LRRC72: variants seen among roughly 807,000 people sequenced by gnomAD.
The protein encoded by LRRC72 is leucine-rich repeat-containing protein 72.
In LRRC72, 41 loss-of-function variants were observed where a neutral mutation model predicts 35.8. That is an observed-to-expected ratio of 1.15 (90% CI 0.89 to 1.49). The LOEUF (loss-of-function observed/expected upper bound fraction) is 1.49, where lower values mean the gene tolerates loss of function less well. Ranked by LOEUF, LRRC72 falls within the 40% of genes most tolerant of loss-of-function variation. The pLI is 0.00. For missense variants in LRRC72, 389 were observed against 330.7 expected (o/e 1.18, Z -1.37); for synonymous variants, 118 against 119.2 (o/e 0.99, Z 0.07).
At chr7:16,565,896 C>A (rs1174883480) in intron 5 of LRRC72, among the ~76,000 whole-genome samples, 1 of 152,210 alleles carries the variant, frequency 6.6e-6, no homozygotes, top group African/African-American at 2.4e-5. Context: ...TTCACACATG[C>A]ACCCTTGTGA....
intron 3 of LRRC72, among the ~76,000 whole-genome samples, chr7:16,547,561 T>G (rs1004106747): frequency 7.2e-5 from 11 of 152,200 alleles, no homozygotes; most frequent in African/African-American, 2.7e-4. Context: ...GCCCCTCTTA[T>G]GCCTGCAGGC....
rs190925940 is a variant in LRRC72 at position 16,547,120 on chromosome 7, A to T, written c.234+9424A>T. 1.4e-3 allele frequency among the ~76,000 whole-genome samples: 206 copies of T among 150,706 alleles called. 1 individual carries two copies. The South Asian group carries it at 0.014, about 11-fold the overall frequency. On this transcript the variant is annotated intron_variant, in intron 3 of 8. Transcript: ENST00000401542. ...GAGCCTCCACTGTGGCCTTAACCTC[A>T]CTCCTTGCTGTGTCTTGGGAACCTG...
intron 5 of LRRC72, among the ~76,000 whole-genome samples, chr7:16,565,233 G>A (rs1407519202): frequency 6.6e-6 from 1 of 152,176 alleles, no homozygotes; most frequent in African/African-American, 2.4e-5. Flanking sequence ...AGCAGTTCGA[G>A]ACCAGCCTTG....
intron 6 of LRRC72, 130 bp downstream of exon 6, chr7:16,566,532 T>C (rs1304503021): frequency 2.2e-5 from 12 of 538,516 alleles, no homozygotes; most frequent in Non-Finnish European, 3.6e-5. Context: ...GTCTTTTTAA[T>C]GGAAGTTTTT....
At chr7:16,555,250 G>A (rs1782630775) in intron 3 of LRRC72, among the ~76,000 whole-genome samples, 1 of 152,152 alleles carries the variant, frequency 6.6e-6, no homozygotes, top group African/African-American at 2.4e-5. Context: ...CACATGATAT[G>A]CCTTTTATAG....
At chr7:16,530,144 G>C (rs1782137555) in intron 1 of LRRC72, 1 of 152,080 alleles carries the variant, frequency 6.6e-6, no homozygotes, top group Admixed American at 6.6e-5. Flanking sequence ...AGGATATATA[G>C]AGATATATAG....
chr7:16,528,010 T>G (rs1406643475), intron 1 of LRRC72, among the ~76,000 whole-genome samples: 2 of 152,154 alleles, frequency 1.3e-5, no homozygotes, highest in African/African-American at 2.4e-5. Flanking sequence ...ATTCTCCTTT[T>G]AGGTTAACCA....
At chr7:16,578,648 T>C (rs1783088175) in intron 7 of LRRC72, among the ~76,000 whole-genome samples, 1 of 152,326 alleles carries the variant, frequency 6.6e-6, no homozygotes, top group East Asian at 1.9e-4. Context: ...GCTGGAAACA[T>C]ACATACAAAA....
chr7:16,579,218 C>A (rs541080680), intron 7 of LRRC72, among the ~76,000 whole-genome samples: 1 of 152,128 alleles, frequency 6.6e-6, no homozygotes. Context: ...AACATCAAGT[C>A]GTACACCTTA....
chr7:16,546,625 G>A lies in LRRC72; in HGVS notation c.234+8929G>A, dbSNP rs192315444. Among the ~76,000 whole-genome samples, 383 of 152,128 alleles carry A rather than the reference G, an allele frequency of 2.5e-3. 2 individuals carry two copies. Among genetic ancestry groups the A allele is most frequent in the African/African-American group, 8.8e-3 (366 of 41,486 alleles). ...TACATTCAGCCAAGTTCTTACAGTAGCCAACAAGGTCCTGTACACACTGGG... is the reference window on the plus strand; with the variant it reads ...TACATTCAGCCAAGTTCTTACAGTAACCAACAAGGTCCTGTACACACTGGG... On this transcript the variant is annotated intron_variant, in intron 3 of 8. Transcript: ENST00000401542.
At chr7:16,527,240 G>C (rs1285121798) in intron 1 of LRRC72, among the ~76,000 whole-genome samples, 198 bp downstream of exon 1, 2 of 152,172 alleles carry the variant, frequency 1.3e-5, no homozygotes, top group African/African-American at 4.8e-5. Flanking sequence ...ATTGGGATGT[G>C]AACAGCTACG....
chr7:16,543,875 A>C (rs1477613964), intron 3 of LRRC72, among the ~76,000 whole-genome samples: 1 of 152,252 alleles, frequency 6.6e-6, no homozygotes. Flanking sequence ...GGAGATGCCA[A>C]GACTAAGGCT....
At chr7:16,529,590 C>T (rs1175566440) in intron 1 of LRRC72, among the ~76,000 whole-genome samples, 1 of 152,116 alleles carries the variant, frequency 6.6e-6, no homozygotes, top group Non-Finnish European at 1.5e-5. Context: ...AATTGTTCCA[C>T]CATGGATTCA....
chr7:16,526,973 C>T lies in LRRC72; in HGVS notation c.21C>T (p.Pro7=), dbSNP rs1450845951. The change falls in exon 1 of 9, where the codon CCC becomes CCT. Residue 7 remains proline, a synonymous_variant. Coordinates refer to ENST00000401542, the MANE Select transcript of LRRC72 (RefSeq NM_001195280.2). ...TCCTGATGTCCTGGGACCCGAACCC[C>T]GTGCCCCGTACCTTGCGATGCTGGC... is the stretch of plus-strand genomic sequence containing the variant. MSWDPN[P]VPRTLRCWRL... 2 of 1,539,992 alleles carry T rather than the reference C, an allele frequency of 1.3e-6. No homozygotes were observed. Among genetic ancestry groups the T allele is most frequent in the East Asian group, 2.4e-5 (1 of 40,906 alleles).
chr7:16,558,767 CAT>C (rs1202035608), intron 4 of LRRC72, 120 bp from the exon 5 acceptor site: 11 of 383,806 alleles, frequency 2.9e-5, no homozygotes, highest in African/African-American at 4.2e-5. Flanking sequence ...AACCAGCTAT[CAT>C]ATGTTTTCCT....
chr7:16,563,595 G>A (rs1209161980), intron 5 of LRRC72, among the ~76,000 whole-genome samples: 2 of 152,182 alleles, frequency 1.3e-5, no homozygotes, highest in Admixed American at 6.5e-5. Flanking sequence ...TCAGAAACAG[G>A]AAACTGATTT....
In LRRC72 at chr7:16,551,096, A is replaced by T. The variant is rs528883108; in HGVS notation, c.235-6264A>T. The stretch of plus-strand genomic sequence containing the variant: ...CGTGATTAAGCTAAAATGGGTCATT[A>T]GGGTGGGACCTAATGCAATATGACT... On this transcript the variant is annotated intron_variant, in intron 3 of 8. Coordinates refer to ENST00000401542, the MANE Select transcript of LRRC72 (RefSeq NM_001195280.2). Among the ~76,000 whole-genome samples, 3 of 152,324 alleles carry T rather than the reference A, an allele frequency of 2.0e-5. No individual in the cohort carries two copies. The East Asian group carries it at 5.8e-4, about 29-fold the overall frequency.
chr7:16,546,974 G>A (rs6943560), intron 3 of LRRC72, among the ~76,000 whole-genome samples: 22,952 of 152,182 alleles, frequency 0.15, 1,982 homozygotes, highest in Non-Finnish European at 0.18. Flanking sequence ...GACAGTGGCA[G>A]CAGGAGCAGC....
At chr7:16,576,771 T>C (rs916917129) in intron 7 of LRRC72, among the ~76,000 whole-genome samples, 1 of 152,240 alleles carries the variant, frequency 6.6e-6, no homozygotes, top group Non-Finnish European at 1.5e-5. Flanking sequence ...AAAGTGAAGC[T>C]GCCAGATTTC....
Sources: allele counts gnomAD v4.1 joint callset (sites outside exome capture counted in the v4.1 genomes callset), GRCh38; gene constraint gnomAD v4.1.1; transcripts MANE v1.5; gene names NCBI Gene and HGNC (gene_info 2026-07-23, HGNC 2026-07-21).